PUS7: variants seen among roughly 807,000 people sequenced by gnomAD.
PUS7 encodes the protein pseudouridine synthase 7.
PUS7 carries 48 observed loss-of-function variants against 79.8 expected under a neutral mutation model. The ratio of observed to expected loss-of-function variants is 0.60; its 90% CI spans 0.48 to 0.76. PUS7 has a LOEUF of 0.76. Among genes scored for constraint, PUS7 ranks in the 30% least tolerant of loss-of-function variants. The probability of loss-of-function intolerance (pLI) is 0.00; values close to 1 mark genes in which losing one functional copy is unlikely to be tolerated. For missense variants in PUS7, 729 were observed against 797.6 expected (o/e 0.91, Z 1.04); for synonymous variants, 286 against 272.2 (o/e 1.05, Z -0.50).
intron 5 of PUS7, 115 bp downstream of exon 5, chr7:105,502,305 T>C (rs1310495654): frequency 1.0e-5 from 13 of 1,289,762 alleles, no homozygotes; most frequent in Non-Finnish European, 1.3e-5. Flanking sequence ...ATGATCAATA[T>C]TGTTCTCTGA....
At chr7:105,518,463 C>CGT (rs981858650) in intron 1 of PUS7, among the ~76,000 whole-genome samples, 105 of 151,902 alleles carry the variant, frequency 6.9e-4, no homozygotes, top group African/African-American at 2.4e-3. Flanking sequence ...AGTGCAGTGG[C>CGT]GTGATCTCAG....
At chr7:105,495,977 T>C (rs889847278) in intron 5 of PUS7, among the ~76,000 whole-genome samples, 10 of 151,650 alleles carry the variant, frequency 6.6e-5, no homozygotes, top group African/African-American at 2.4e-4. Flanking sequence ...CTGGCCAACA[T>C]GGTGAAACCC....
chr7:105,514,536 C>T lies in PUS7; in HGVS notation c.-32-5992G>A, dbSNP rs543797826. On this transcript the variant is annotated intron_variant, in intron 1 of 15. Transcript: ENST00000469408. ...GGAGAATGGCGTGAACCCGGGAGGC[C>T]GAGCTTGCAGTGAGCCGAGATCGCG... Among the ~76,000 whole-genome samples, 295 of 139,842 alleles carry T rather than the reference C, an allele frequency of 2.1e-3. 1 individual carries two copies. Among genetic ancestry groups the T allele is most frequent in the African/African-American group, 7.4e-3 (282 of 38,118 alleles). The allele number at this position is 139,842 out of a possible 152,430, so 91.7% of individuals were successfully genotyped here.
intron 12 of PUS7, among the ~76,000 whole-genome samples, chr7:105,468,133 A>G (rs1005242392): frequency 1.3e-5 from 2 of 152,142 alleles, no homozygotes; most frequent in Admixed American, 6.5e-5. Context: ...GGGTTTCTTC[A>G]TATTGGCCAG....
chr7:105,516,221 AG>A (rs1825888248), intron 1 of PUS7, among the ~76,000 whole-genome samples: 1 of 152,178 alleles, frequency 6.6e-6, no homozygotes. Context: ...CTGGGATTAC[AG>A]GCATGAGCCA....
chr7:105,499,733 G>T (rs1350768197), intron 5 of PUS7, among the ~76,000 whole-genome samples: 1 of 152,084 alleles, frequency 6.6e-6, no homozygotes, highest in Admixed American at 6.6e-5. Context: ...AAAAGTTCAG[G>T]TTAAGAATAT....
intron 4 of PUS7, 48 bp downstream of exon 4, chr7:105,505,907 A>T (rs1393762222): frequency 2.1e-6 from 3 of 1,448,234 alleles, no homozygotes; most frequent in Non-Finnish European, 2.9e-6. Flanking sequence ...CCACCCAAAA[A>T]GCAACTAAAA....
At chr7:105,461,904 G>A (rs1048601166) in intron 14 of PUS7, among the ~76,000 whole-genome samples, 23 of 152,190 alleles carry the variant, frequency 1.5e-4, no homozygotes, top group Non-Finnish European at 2.8e-4. Flanking sequence ...CAGGCTGGAT[G>A]TGGTGGCTCA....
At chr7:105,473,774 G>C (rs10235921) in intron 9 of PUS7, among the ~76,000 whole-genome samples, 2,540 of 151,800 alleles carry the variant, frequency 0.017, 77 homozygotes, top group African/African-American at 0.058. Flanking sequence ...GGATGGTCTT[G>C]AACTCCTAGC....
chr7:105,465,124 ATTTAT>A (rs1345396609), intron 13 of PUS7, among the ~76,000 whole-genome samples, 184 bp downstream of exon 13: 6 of 152,072 alleles, frequency 3.9e-5, no homozygotes, highest in East Asian at 1.9e-4. Context: ...TGCCTGACCT[ATTTAT>A]TTTATTTTAT....
chr7:105,459,081 G>C lies in PUS7; in HGVS notation c.1849+87C>G, dbSNP rs951735441. The C allele has an allele frequency of 7.0e-5, 51 of 723,942 alleles. No homozygotes were observed. The Middle Eastern group carries it at 2.5e-3, about 35-fold the overall frequency. The allele number at this position is 723,942 out of a possible 1,614,324, so 44.8% of individuals were successfully genotyped here. A position where few individuals can be genotyped will look rare whatever the true frequency, so the allele number is the denominator to read the frequency against. ...GAAATCATGGGTGGTGGTAGTGCTT[G>C]TAAGAGCAGTTTTCAAAAAAAAATT... On this transcript the variant is annotated intron_variant, in intron 15 of 15. Coordinates refer to ENST00000469408, the MANE Select transcript of PUS7 (RefSeq NM_019042.5).
intron 7 of PUS7, among the ~76,000 whole-genome samples, chr7:105,490,319 C>T (rs181138803): frequency 6.6e-6 from 1 of 152,112 alleles, no homozygotes. Context: ...AGTTTCCTTG[C>T]CCCTATGTTA....
chr7:105,458,161 C>G (rs1044615340), intron 15 of PUS7, among the ~76,000 whole-genome samples: 11 of 151,956 alleles, frequency 7.2e-5, no homozygotes, highest in African/African-American at 2.7e-4. Flanking sequence ...GACAGAAGAA[C>G]ACAAAAGAGA....
At chr7:105,512,442 G>A (rs1400681922) in intron 1 of PUS7, among the ~76,000 whole-genome samples, 1 of 152,146 alleles carries the variant, frequency 6.6e-6, no homozygotes, top group African/African-American at 2.4e-5. Flanking sequence ...ACAAGGACCG[G>A]GAGAACACAC....
intron 14 of PUS7, among the ~76,000 whole-genome samples, chr7:105,461,244 C>G (rs1442080366): frequency 6.6e-6 from 1 of 152,198 alleles, no homozygotes; most frequent in Non-Finnish European, 1.5e-5. Flanking sequence ...GTAATTTGCT[C>G]AGAGATAGCT....
intron 7 of PUS7, among the ~76,000 whole-genome samples, chr7:105,483,293 G>A (rs915709281): frequency 2.0e-5 from 3 of 151,868 alleles, no homozygotes; most frequent in African/African-American, 7.3e-5. Context: ...CTCCCAAGTA[G>A]CTGGGCTTAC....
intron 1 of PUS7, among the ~76,000 whole-genome samples, chr7:105,512,745 A>G (rs1232677323): frequency 6.6e-6 from 1 of 152,226 alleles, no homozygotes; most frequent in Admixed American, 6.6e-5. Context: ...TTTGTAATTC[A>G]GAAAGATTCT....
rs561021433 is a variant in PUS7 at position 105,506,016 on chromosome 7, T to C, written c.524A>G (p.Glu175Gly). Residue 175 changes from glutamate to glycine, a missense_variant, in exon 4 of 16, where the codon GAA becomes GGA. Coordinates refer to ENST00000469408, the MANE Select transcript of PUS7 (RefSeq NM_019042.5). ...CTGGAGCTCTTCCAATCGCTGCTTT[T>C]CTTCAGCTGTCAAAACTGTAAATAT... is the stretch of plus-strand genomic sequence containing the variant. ...EDIFTVLTAEEKQRLEELQLF... is the reference protein window; with the variant it reads ...EDIFTVLTAEGKQRLEELQLF... The C allele has an allele frequency of 6.8e-6, 11 of 1,613,892 alleles. No homozygotes were observed. Among genetic ancestry groups the C allele is most frequent in the Non-Finnish European group, 9.3e-6 (11 of 1,179,940 alleles).
At position 105,463,442 on chromosome 7, in the gene PUS7, G is replaced by A. The variant is rs1193350113; in HGVS notation, c.1628-692C>T. ...TCTAGACCAAACAATGCTTCCCTTAGCTGTCCCTCCTTTAACATTTCTGTA... is the reference window on the plus strand; with the variant it reads ...TCTAGACCAAACAATGCTTCCCTTAACTGTCCCTCCTTTAACATTTCTGTA... On this transcript the variant is annotated intron_variant, in intron 13 of 15. Coordinates refer to ENST00000469408, the MANE Select transcript of PUS7 (RefSeq NM_019042.5). 4.6e-5 allele frequency among the ~76,000 whole-genome samples: 7 copies of A among 152,194 alleles called. No individual in the cohort carries two copies. The South Asian group carries it at 1.2e-3, about 27-fold the overall frequency.
Sources: allele counts gnomAD v4.1 joint callset (sites outside exome capture counted in the v4.1 genomes callset), GRCh38; gene constraint gnomAD v4.1.1; transcripts MANE v1.5; gene names NCBI Gene and HGNC (gene_info 2026-07-23, HGNC 2026-07-21).